The following PCDHA5 variants were observed in gnomAD, a reference collection of about 807,000 sequenced individuals.
PCDHA5 encodes protocadherin alpha 5, also known as protocadherin alpha-5.
Under a neutral mutation model 61.6 loss-of-function variants are expected in PCDHA5, and 43 were observed. The ratio of observed to expected loss-of-function variants is 0.70; its 90% CI spans 0.55 to 0.90. The LOEUF (loss-of-function observed/expected upper bound fraction) is 0.90. Ranked by LOEUF, PCDHA5 falls within the 40% of genes least tolerant of loss-of-function variation. The pLI is 0.00. For missense variants in PCDHA5, 1,298 were observed against 1,222.7 expected, an observed-to-expected ratio of 1.06 and a Z score of -0.92; for synonymous variants, 627 against 543.9, an observed-to-expected ratio of 1.15 and a Z score of -2.13.
chr5:140,934,043 G>A (rs1241698438), intron 1 of PCDHA5, among the ~76,000 whole-genome samples: 1 of 151,818 alleles, frequency 6.6e-6, no homozygotes, highest in African/African-American at 2.4e-5. Context: ...AATGATATTA[G>A]TCTTTCCAAG....
At chr5:140,965,388 C>A (rs2095896527) in intron 1 of PCDHA5, among the ~76,000 whole-genome samples, 1 of 151,982 alleles carries the variant, frequency 6.6e-6, no homozygotes, top group Non-Finnish European at 1.5e-5. Flanking sequence ...CACAGAAGAA[C>A]AGAAGTCTAA....
intron 1 of PCDHA5, among the ~76,000 whole-genome samples, chr5:140,920,841 T>TAAAA (rs781921146): frequency 7.3e-5 from 8 of 109,222 alleles, no homozygotes; most frequent in African/African-American, 1.0e-4. Flanking sequence ...AGACCAAATC[T>TAAAA]AAAAAAAAAA....
Position 140,869,318 on chromosome 5 carries a change from G to C in PCDHA5, c.2352+45191G>C, listed in dbSNP as rs1373742506. ...TTCCGGGTGGCGTCCAAAACACATG[G>C]GGACCTTCTGGAGGTAAATCTGCAG... On this transcript the variant is annotated intron_variant, in intron 1 of 3. Coordinates refer to ENST00000529859, the MANE Select transcript of PCDHA5 (RefSeq NM_018908.3). 3 of 1,613,688 alleles carry C rather than the reference G, an allele frequency of 1.9e-6. No individual in the cohort carries two copies. Among genetic ancestry groups the C allele is most frequent in the Non-Finnish European group, 2.5e-6 (3 of 1,180,020 alleles).
rs150949805 is a variant in PCDHA5, at chr5:141,009,832, C to T, written c.2706C>T (p.Phe902=). The stretch of plus-strand genomic sequence containing the variant: ...TTGACAAAAGTGACTTCATAACCTT[C>T]GGCAAAAAGGAGGAGACCAAGAAAA... ...SQIDKSDFIT[F]GKKEETKKKK... The change falls in exon 4 of 4, where the codon TTC becomes TTT. Residue 902 remains phenylalanine (F), a synonymous_variant. Coordinates refer to ENST00000529859, the MANE Select transcript of PCDHA5 (RefSeq NM_018908.3). The T allele has an allele frequency of 7.1e-5, 114 of 1,613,408 alleles. No individual in the cohort carries two copies. The highest frequency in any genetic ancestry group is 9.2e-5 in the Non-Finnish European group (109 of 1,179,918).
At chr5:140,848,426 G>A in intron 1 of PCDHA5, 1 of 1,449,988 alleles carries the variant, frequency 6.9e-7, no homozygotes, top group Non-Finnish European at 9.4e-7. Context: ...GAATGGGACT[G>A]ACGAAATCAG....
chr5:140,961,025 C>G (rs1283958205), intron 1 of PCDHA5, among the ~76,000 whole-genome samples: 1 of 152,150 alleles, frequency 6.6e-6, no homozygotes, highest in African/African-American at 2.4e-5. Context: ...CACTTGCTAC[C>G]TCCTTGTTTT....
At chr5:140,917,379 T>C (rs1393963383) in intron 1 of PCDHA5, among the ~76,000 whole-genome samples, 1 of 147,708 alleles carries the variant, frequency 6.8e-6, no homozygotes, top group African/African-American at 2.5e-5. Context: ...TCCACCTCAA[T>C]AGTCTGATGT....
chr5:140,906,665 AC>A (rs558667206), intron 1 of PCDHA5, among the ~76,000 whole-genome samples: 132 of 152,200 alleles, frequency 8.7e-4, no homozygotes, highest in African/African-American at 3.2e-3. Context: ...TGGTGTAGTG[AC>A]CCAAACCTTC....
Position 140,849,019 on chromosome 5 carries a change from A to G in PCDHA5, c.2352+24892A>G, listed in dbSNP as rs144148683. On this transcript the variant is annotated intron_variant, in intron 1 of 3. Coordinates refer to ENST00000529859, the MANE Select transcript of PCDHA5 (RefSeq NM_018908.3). ...CTGCTCACTTACAGACTGAGCCCCA[A>G]TGAGTATTTCTTCCTGGACGTGCCA... 14,073 of 1,587,530 alleles carry G rather than the reference A, an allele frequency of 8.9e-3. 240 individuals carry two copies. Among genetic ancestry groups the G allele is most frequent in the Non-Finnish European group, 0.011 (13,037 of 1,163,614 alleles).
In PCDHA5 at chr5:140,841,685, G is replaced by A. The variant is rs1332759626; in HGVS notation, c.2352+17558G>A. ...GCTGCAGGTTTTCCATGTGGACGTG[G>A]AGGTGAAGGATGTTAATGACAACCC... On this transcript the variant is annotated intron_variant, in intron 1 of 3. Transcript: ENST00000529859. 1.9e-6 allele frequency: 3 copies of A among 1,613,960 alleles called. No individual in the cohort carries two copies. The Admixed American group carries it at 5.0e-5, about 27-fold the overall frequency.
At chr5:140,958,711 T>C (rs1402769483) in intron 1 of PCDHA5, among the ~76,000 whole-genome samples, 1 of 152,216 alleles carries the variant, frequency 6.6e-6, no homozygotes, top group Non-Finnish European at 1.5e-5. Flanking sequence ...AACTCTGTTA[T>C]AATAAATGTA....
At position 140,995,103 on chromosome 5, in the gene PCDHA5, C is replaced by T. The variant is rs535399594; in HGVS notation, c.2500+12540C>T. Reference sequence around the variant, plus strand: ...CAAACTTATCTGTGGAGATACATTCCAAGACCCTCAGTGGATGCCTGAAAC... The same window carrying T: ...CAAACTTATCTGTGGAGATACATTCTAAGACCCTCAGTGGATGCCTGAAAC... On this transcript the variant is annotated intron_variant, in intron 3 of 3. Coordinates refer to ENST00000529859, the MANE Select transcript of PCDHA5 (RefSeq NM_018908.3). 1.1e-4 allele frequency among the ~76,000 whole-genome samples: 16 copies of T among 152,290 alleles called. No individual in the cohort carries two copies. In the South Asian group the frequency reaches 2.9e-3, roughly 28 times the overall value.
rs1193708084 is a variant in PCDHA5, at chr5:140,882,956, A to AT, written c.2352+58830dup. 3.1e-6 allele frequency: 5 copies of AT among 1,614,110 alleles called. No individual in the cohort carries two copies. In the African/African-American group the frequency reaches 6.7e-5, roughly 22 times the overall value. ...GCTGACTGGCACAGTTCAGCTGCTC[A>AT]TCACGATTCTGGACGTGAATGACAA... On this transcript the variant is annotated intron_variant, in intron 1 of 3. Transcript: ENST00000529859.
chr5:140,870,344 G>A (rs782661960), intron 1 of PCDHA5: 1 of 1,614,196 alleles, frequency 6.2e-7, no homozygotes, highest in Admixed American at 1.7e-5. Flanking sequence ...GCCCTGGACC[G>A]CGAGAACGTG....
intron 1 of PCDHA5, among the ~76,000 whole-genome samples, chr5:140,838,045 T>G (rs1554136763): frequency 1.3e-5 from 2 of 150,866 alleles, no homozygotes; most frequent in African/African-American, 2.4e-5. Flanking sequence ...TTTCTGCACT[T>G]TTTGGTTTTC....
chr5:140,840,858 A>G (rs1200683649), intron 1 of PCDHA5, among the ~76,000 whole-genome samples: 2 of 152,006 alleles, frequency 1.3e-5, no homozygotes, highest in Non-Finnish European at 2.9e-5. Context: ...TCCACACGAA[A>G]CTATGGAGGA....
intron 1 of PCDHA5, among the ~76,000 whole-genome samples, chr5:140,904,764 A>G (rs1354356510): frequency 2.0e-5 from 3 of 152,240 alleles, no homozygotes; most frequent in African/African-American, 4.8e-5. Context: ...CAAGAATAAG[A>G]TGGTATCACA....
intron 1 of PCDHA5, chr5:140,967,899 C>G: frequency 6.2e-7 from 1 of 1,614,180 alleles, no homozygotes; most frequent in African/African-American, 1.3e-5. Flanking sequence ...CCTGAGAATG[C>G]TACACCCAAC....
At chr5:140,877,504 A>G (rs532509235) in intron 1 of PCDHA5, 1 of 1,613,764 alleles carries the variant, frequency 6.2e-7, no homozygotes, top group South Asian at 1.1e-5. Context: ...GGCCCCAAAG[A>G]CGTCGTCGCG....
Sources: gnomAD v4.1 joint callset for allele counts (sites outside exome capture counted in the v4.1 genomes callset) on GRCh38, gnomAD v4.1.1 for gene constraint, MANE v1.5 for transcripts, NCBI Gene and HGNC (gene_info 2026-07-23, HGNC 2026-07-21) for gene names.